Variants in SEMA4F observed in about 807,000 individuals in gnomAD.
The protein encoded by SEMA4F is semaphorin-4F.
A neutral mutation model predicts 78.4 loss-of-function variants in SEMA4F; 51 were observed. The observed-to-expected ratio is 0.65, with a 90% CI of 0.52 to 0.82. The LOEUF is 0.82. Among genes scored for constraint, SEMA4F ranks in the 40% least tolerant of loss-of-function variants. SEMA4F has a pLI of 0.00. For synonymous variants in SEMA4F, 418 were observed against 408.7 expected (o/e 1.02, Z -0.27); for missense variants, 938 against 1,014.4 (o/e 0.92, Z 1.02).
the SEMA4F span, among the ~76,000 whole-genome samples, chr2:74,704,320 C>T: frequency 6.7e-6 from 1 of 148,516 alleles, no homozygotes; most frequent in Non-Finnish European, 1.5e-5. Context: ...TGGCCTTCAA[C>T]TTGAAATAGT....
the SEMA4F span, among the ~76,000 whole-genome samples, chr2:74,691,144 A>G: frequency 2.0e-5 from 3 of 152,224 alleles, no homozygotes; most frequent in Admixed American, 2.0e-4. Context: ...AGCTAATTCA[A>G]GAAACAAGGA....
At chr2:74,708,378 C>G in the SEMA4F span, among the ~76,000 whole-genome samples, 2 of 152,262 alleles carry the variant, frequency 1.3e-5, no homozygotes, top group South Asian at 2.1e-4. Flanking sequence ...GCACCCCAAC[C>G]CTTCCTTGCT....
the SEMA4F span, among the ~76,000 whole-genome samples, chr2:74,701,640 TG>T: frequency 6.6e-6 from 1 of 152,156 alleles, no homozygotes; most frequent in Non-Finnish European, 1.5e-5. Context: ...TCTTCACAGC[TG>T]GGGGCAGGGG....
downstream of SEMA4F, among the ~76,000 whole-genome samples, chr2:74,685,513 T>C (rs1380452740): frequency 1.3e-5 from 2 of 152,102 alleles, no homozygotes; most frequent in African/African-American, 4.8e-5. Context: ...ACAAGACTTC[T>C]TCTTTAGCTC....
the SEMA4F span, among the ~76,000 whole-genome samples, chr2:74,689,321 G>GA: frequency 7.9e-5 from 12 of 152,028 alleles, no homozygotes; most frequent in Admixed American, 7.2e-4. Flanking sequence ...TATGGAACCA[G>GA]AAAAAACAAG....
the SEMA4F span, among the ~76,000 whole-genome samples, chr2:74,705,937 T>C: frequency 1.3e-5 from 2 of 150,938 alleles, no homozygotes; most frequent in Non-Finnish European, 2.9e-5. Context: ...TGTTTGGAGG[T>C]TACAAGTTAT....
At position 74,680,019 on chromosome 2, in the gene SEMA4F, G is replaced by A; in HGVS notation, c.2123G>A (p.Gly708Glu). Reference sequence around the variant, plus strand: ...CTGGACCTGGGGGCTCCACCTTCTGGGACCACAAGCTACAGCCAAGACCCT... The same window carrying A: ...CTGGACCTGGGGGCTCCACCTTCTGAGACCACAAGCTACAGCCAAGACCCT... ...VGLDLGAPPS[G>E]TTSYSQDPPS... is the part of the protein sequence containing the mutation. The change falls in exon 14 of 14, where the codon GGG (glycine) becomes GAG (glutamate). Residue 708 changes from glycine (G) to glutamate (E), a missense_variant. Physicochemically the swap from Gly to Glu is moderately conservative, Grantham distance 98. Transcript: ENST00000357877. 6.2e-7 allele frequency: 1 copy of A among 1,614,154 alleles called. No individual in the cohort carries two copies. Among genetic ancestry groups the A allele is most frequent in the East Asian group, 2.2e-5 (1 of 44,876 alleles).
Position 74,656,567 on chromosome 2 carries a change from C to T in SEMA4F, c.179C>T (p.Pro60Leu). The change falls in exon 2 of 14, where the codon CCT (proline) becomes CTT (leucine). Residue 60 changes from proline to leucine, a missense_variant. Transcript: ENST00000357877. ...ADSCLTRFAV[P>L]HTYNYSVLLV... ...TCCTGTCTCACCCGGTTCGCAGTCC[C>T]TCACACATACAATTACTCTGTTCTC... The T allele has an allele frequency of 6.2e-7, 1 of 1,614,150 alleles. No homozygotes were observed. Among genetic ancestry groups the T allele is most frequent in the Non-Finnish European group, 8.5e-7 (1 of 1,180,016 alleles).
chr2:74,674,594 A>G lies in SEMA4F; in HGVS notation c.919A>G (p.Ser307Gly). Residue 307 changes from serine to glycine, a missense_variant, in exon 8 of 14, where the codon AGT becomes GGT. Physicochemically the swap from Ser to Gly is moderately conservative, Grantham distance 56. Transcript: ENST00000357877. ...AGGGCCTGAGCATGGCCGGGCCTCCAGTGTCCTGCAGGATGTTGCTGTGCT... is the reference window on the plus strand; with the variant it reads ...AGGGCCTGAGCATGGCCGGGCCTCCGGTGTCCTGCAGGATGTTGCTGTGCT... Reference protein sequence around the residue: ...CPGPEHGRASSVLQDVAVLRP... With the variant: ...CPGPEHGRASGVLQDVAVLRP... 1 of 1,614,078 alleles carries G rather than the reference A, an allele frequency of 6.2e-7. No individual in the cohort carries two copies. The highest frequency in any genetic ancestry group is 8.5e-7 in the Non-Finnish European group (1 of 1,179,998).
chr2:74,697,289 T>C, the SEMA4F span, among the ~76,000 whole-genome samples: 1 of 152,194 alleles, frequency 6.6e-6, no homozygotes, highest in South Asian at 2.1e-4. Flanking sequence ...CTCAAGAACT[T>C]GGCATGGCTA....
chr2:74,666,374 GAC>G (rs902734650), intron 5 of SEMA4F, among the ~76,000 whole-genome samples: 67 of 151,566 alleles, frequency 4.4e-4, no homozygotes, highest in African/African-American at 1.4e-3. Flanking sequence ...ATCATTATAA[GAC>G]AAAGTGGGAG....
chr2:74,702,316 T>G, the SEMA4F span, among the ~76,000 whole-genome samples: 1 of 152,222 alleles, frequency 6.6e-6, no homozygotes, highest in African/African-American at 2.4e-5. Flanking sequence ...TCCTCTGCCC[T>G]GAAACCTGTT....
chr2:74,654,802 C>T (rs1015454268), intron 1 of SEMA4F, among the ~76,000 whole-genome samples: 1 of 152,342 alleles, frequency 6.6e-6, no homozygotes, highest in African/African-American at 2.4e-5. Context: ...CCCGGAGCCG[C>T]AGGAGCGTCC....
the SEMA4F span, among the ~76,000 whole-genome samples, chr2:74,708,727 C>T: frequency 2.6e-5 from 4 of 152,126 alleles, no homozygotes; most frequent in African/African-American, 9.7e-5. Context: ...TGAGAAAAGA[C>T]AACAAATGCC....
Position 74,674,938 on chromosome 2 carries a change from G to A in SEMA4F, c.1052G>A (p.Arg351Gln), listed in dbSNP as rs143403780. The change falls in exon 9 of 14, where the codon CGG becomes CAG. Residue 351 changes from arginine to glutamine, a missense_variant. Arg to Gln is a conservative substitution (Grantham distance 43). Coordinates refer to ENST00000357877, the MANE Select transcript of SEMA4F (RefSeq NM_004263.5). ...AVCAFRPQDIRTVLNGPFREL... is the reference protein window; with the variant it reads ...AVCAFRPQDIQTVLNGPFREL... ...TGTGCCTTCCGACCACAAGACATTC[G>A]GACAGTGCTGAATGGTCCCTTCAGA... 8.1e-6 allele frequency: 13 copies of A among 1,613,806 alleles called. No homozygotes were observed. The highest frequency in any genetic ancestry group is 6.7e-5 in the Admixed American group (4 of 59,984).
chr2:74,662,735 G>T lies in SEMA4F; in HGVS notation c.460G>T (p.Val154Leu), dbSNP rs760265091. The T allele has an allele frequency of 1.2e-6, 2 of 1,613,826 alleles. No individual in the cohort carries two copies. Among genetic ancestry groups the T allele is most frequent in the Admixed American group, 3.3e-5 (2 of 60,008 alleles). The stretch of plus-strand genomic sequence containing the variant: ...ATTGCCCCCTTCTGGTCTATAGGAT[G>T]TGTCCAGGTTCCAGCAGGTTGAAAG... ...AFDPKCGVID[V>L]SRFQQVERLE... Residue 154 changes from valine (V) to leucine (L), a missense_variant, in exon 5 of 14, where the codon GTG (valine) becomes TTG (leucine). Physicochemically the swap from Val to Leu is conservative, Grantham distance 32. Transcript: ENST00000357877.
the SEMA4F span, among the ~76,000 whole-genome samples, chr2:74,708,024 G>T: frequency 2.6e-5 from 4 of 152,084 alleles, no homozygotes; most frequent in Non-Finnish European, 4.4e-5. Flanking sequence ...CCACCTGCCA[G>T]ATTGGAAAGT....
At position 74,679,807 on chromosome 2, in the gene SEMA4F, T is replaced by C. The variant is rs1157980246; in HGVS notation, c.1911T>C (p.His637=). The C allele has an allele frequency of 6.2e-7, 1 of 1,614,032 alleles. No individual in the cohort carries two copies. The highest frequency in any genetic ancestry group is 8.5e-7 in the Non-Finnish European group (1 of 1,179,974). ...ACECQEGGAA[H]VVAAYSLVWG... ...AATGTCAGGAGGGTGGGGCAGCCCA[T>C]GTGGTAGCAGCTTACAGCTTGGTAT... Residue 637 remains histidine, a synonymous_variant, in exon 14 of 14, where the codon CAT becomes CAC. Transcript: ENST00000357877.
chr2:74,662,865 T>C, intron 5 of SEMA4F, 40 bp downstream of exon 5: 3 of 1,527,604 alleles, frequency 2.0e-6, no homozygotes, highest in Non-Finnish European at 2.7e-6. Context: ...TTCTTGCTAA[T>C]TGCCTCCTTC....
Sources: allele counts gnomAD v4.1 joint callset (sites outside exome capture counted in the v4.1 genomes callset), GRCh38; gene constraint gnomAD v4.1.1; transcripts MANE v1.5; gene names NCBI Gene and HGNC (gene_info 2026-07-23, HGNC 2026-07-21).